The following LINGO2 variants were observed in gnomAD, a reference collection of about 807,000 sequenced individuals.
The protein encoded by LINGO2 is leucine rich repeat and Ig domain containing 2, also known as leucine-rich repeat and immunoglobulin-like domain-containing nogo receptor-interacting protein 2.
A neutral mutation model predicts 30.6 loss-of-function variants in LINGO2; 14 were observed. The observed-to-expected ratio is 0.46, with a 90% CI of 0.30 to 0.72. The LOEUF (loss-of-function observed/expected upper bound fraction) is 0.72, where lower values mean the gene tolerates loss of function less well. LINGO2 is among the 30% of genes least tolerant of loss of function. The pLI is 0.07. For synonymous variants in LINGO2, 317 were observed against 288.5 expected (o/e 1.10, Z -1.00); for missense variants, 729 against 751.7 (o/e 0.97, Z 0.35).
chr9:28,148,098 C>A lies in LINGO2; in HGVS notation c.-86-135693G>T, dbSNP rs1827868230. The A allele has an allele frequency of 7.1e-6, 8 of 1,119,770 alleles. No individual in the cohort carries two copies. In the South Asian group the frequency reaches 1.5e-4, roughly 21 times the overall value. 69.4% of individuals were successfully genotyped at this position (1,119,770 alleles called of 1,614,324 possible). A position where few individuals can be genotyped will look rare whatever the true frequency, so the allele number is the denominator to read the frequency against. ...GCCTTCCCAGCTGGCCGGGCTAACC[C>A]CGCGGCTCCTGCACCTGTGCCTGCC... On this transcript the variant is annotated intron_variant, in intron 4 of 5. Transcript: ENST00000379992. The surrounding 1 kb of genome is among the most constrained non-coding windows in gnomAD (Gnocchi z 5.1).
intron 4 of LINGO2, among the ~76,000 whole-genome samples, chr9:28,230,116 A>G (rs1435931893): frequency 2.6e-5 from 4 of 151,896 alleles, no homozygotes; most frequent in East Asian, 1.9e-4. Flanking sequence ...TATTGTTCTA[A>G]AAACTTTCTT....
At chr9:28,738,862 A>T in the LINGO2 span, among the ~76,000 whole-genome samples, 1 of 152,038 alleles carries the variant, frequency 6.6e-6, no homozygotes, top group Non-Finnish European at 1.5e-5. Context: ...TAACACATTA[A>T]ATCCATGGTT....
intron 4 of LINGO2, among the ~76,000 whole-genome samples, chr9:28,035,616 G>GAAGAT (rs1587737013): frequency 6.6e-6 from 1 of 152,098 alleles, no homozygotes; most frequent in Non-Finnish European, 1.5e-5. Flanking sequence ...TATCTTCAGT[G>GAAGAT]AAAACATTTA....
At chr9:28,559,535 T>C (rs1822929025) in intron 1 of LINGO2, among the ~76,000 whole-genome samples, 1 of 152,126 alleles carries the variant, frequency 6.6e-6, no homozygotes, top group Non-Finnish European at 1.5e-5. Flanking sequence ...CTACAGTACA[T>C]GGCCACTGAC....
Position 28,632,877 on chromosome 9 carries a change from T to G in LINGO2, c.-365+37323A>C, listed in dbSNP as rs1027575041. Among the ~76,000 whole-genome samples the G allele has an allele frequency of 7.7e-3, 700 of 90,704 alleles. 27 individuals are homozygous for G. Among genetic ancestry groups the G allele is most frequent in the African/African-American group, 0.029 (651 of 22,150 alleles). 59.5% of individuals were successfully genotyped at this position (90,704 alleles called of 152,430 possible). The stretch of plus-strand genomic sequence containing the variant: ...TTTTTTATATATATATATATATATA[T>G]ATGTAGAGAGAGAGAGAGAGAGAGA... On this transcript the variant is annotated intron_variant, in intron 1 of 5. Transcript: ENST00000379992.
the LINGO2 span, among the ~76,000 whole-genome samples, chr9:28,848,710 G>C: frequency 6.6e-6 from 1 of 151,626 alleles, no homozygotes; most frequent in Admixed American, 6.6e-5. Flanking sequence ...AAAGGCCAAA[G>C]AGATACAGTT....
the LINGO2 span, among the ~76,000 whole-genome samples, chr9:28,888,201 T>A: frequency 6.6e-6 from 1 of 152,050 alleles, no homozygotes; most frequent in Non-Finnish European, 1.5e-5. Flanking sequence ...TTTACTATAT[T>A]CCTCCTTCAG....
chr9:28,647,405 A>G (rs886931760), intron 1 of LINGO2, among the ~76,000 whole-genome samples: 3 of 152,098 alleles, frequency 2.0e-5, no homozygotes, highest in African/African-American at 4.8e-5. Flanking sequence ...GTTTGCTGCC[A>G]GTTCTAATAT....
At chr9:27,962,587 A>T (rs902058674) in intron 5 of LINGO2, among the ~76,000 whole-genome samples, 4 of 152,100 alleles carry the variant, frequency 2.6e-5, no homozygotes, top group African/African-American at 9.7e-5. Context: ...AAAAGTGGAT[A>T]ATTTGGGGTC....
chr9:28,561,958 A>T (rs1392866807), intron 1 of LINGO2, among the ~76,000 whole-genome samples: 1 of 151,390 alleles, frequency 6.6e-6, no homozygotes. Flanking sequence ...GTACTCGCTG[A>T]ACTTCTATTT....
chr9:28,861,075 A>T, the LINGO2 span, among the ~76,000 whole-genome samples: 6 of 124,962 alleles, frequency 4.8e-5, no homozygotes, highest in Admixed American at 4.0e-4. Context: ...ATTAATATAT[A>T]AATATATAAT....
chr9:28,174,934 G>GAC (rs1382689931), intron 4 of LINGO2, among the ~76,000 whole-genome samples: 17 of 151,610 alleles, frequency 1.1e-4, no homozygotes, highest in African/African-American at 4.1e-4. Context: ...GAGAGAGAGA[G>GAC]AGAGAGAGAG....
the LINGO2 span, among the ~76,000 whole-genome samples, chr9:28,933,691 G>A: frequency 6.6e-6 from 1 of 152,070 alleles, no homozygotes; most frequent in Non-Finnish European, 1.5e-5. Flanking sequence ...AAAAGATGCT[G>A]CAAAACCCAC....
intron 3 of LINGO2, among the ~76,000 whole-genome samples, chr9:28,358,663 C>T (rs567802386): frequency 1.3e-4 from 20 of 152,142 alleles, no homozygotes; most frequent in Non-Finnish European, 1.9e-4. Context: ...TCAGTTTCCT[C>T]ATTTATGAAA....
chr9:28,495,316 C>T (rs1401701284), intron 1 of LINGO2, among the ~76,000 whole-genome samples: 2 of 152,158 alleles, frequency 1.3e-5, no homozygotes, highest in African/African-American at 2.4e-5. Flanking sequence ...AATGGTATTG[C>T]CTAGCTTTTC....
At chr9:28,799,094 T>C in the LINGO2 span, among the ~76,000 whole-genome samples, 4 of 151,992 alleles carry the variant, frequency 2.6e-5, no homozygotes, top group Non-Finnish European at 2.9e-5. Flanking sequence ...AACAAAGTAA[T>C]TGGCAGAGAG....
intron 1 of LINGO2, among the ~76,000 whole-genome samples, chr9:28,519,864 C>T (rs1444462849): frequency 6.6e-6 from 1 of 152,080 alleles, no homozygotes; most frequent in East Asian, 1.9e-4. Flanking sequence ...TTGCCCAGCC[C>T]TTGATCCCCA....
intron 2 of LINGO2, among the ~76,000 whole-genome samples, chr9:28,374,096 T>C (rs1821019257): frequency 6.6e-6 from 1 of 151,900 alleles, no homozygotes; most frequent in Non-Finnish European, 1.5e-5. Flanking sequence ...GTCCCAATTT[T>C]ATAGACGAAG....
At chr9:28,764,533 A>G in the LINGO2 span, among the ~76,000 whole-genome samples, 14 of 152,000 alleles carry the variant, frequency 9.2e-5, no homozygotes, top group African/African-American at 3.1e-4. Flanking sequence ...ATCTAAGCCC[A>G]CATCTAATAG....
Sources: gnomAD v4.1 joint callset for allele counts (sites outside exome capture counted in the v4.1 genomes callset) on GRCh38, gnomAD v4.1.1 for gene constraint, Gnocchi (gnomAD v3.1) non-coding constraint, MANE v1.5 for transcripts, NCBI Gene and HGNC (gene_info 2026-07-23, HGNC 2026-07-21) for gene names.